VASH2: variants seen among roughly 807,000 people sequenced by gnomAD.
The protein encoded by VASH2 is vasohibin 2.
VASH2 carries 28 observed loss-of-function variants against 37.2 expected under a neutral mutation model. That is an observed-to-expected ratio of 0.75 (90% CI 0.56 to 1.03). The LOEUF (loss-of-function observed/expected upper bound fraction) is 1.03, where lower values mean the gene tolerates loss of function less well. Ranked by LOEUF, VASH2 falls within the 50% of genes least tolerant of loss-of-function variation. The pLI, the probability that VASH2 is intolerant of heterozygous loss-of-function variation, is 0.00. For missense variants in VASH2, 419 were observed against 459.1 expected, an observed-to-expected ratio of 0.91 and a Z score of 0.80; for synonymous variants, 188 against 174.7, an observed-to-expected ratio of 1.08 and a Z score of -0.60.
rs903016289 is a variant in VASH2 at position 212,989,730 on chromosome 1, A to C, written c.*1146A>C. On this transcript the variant is annotated 3_prime_UTR_variant, in exon 8 of 8. Coordinates refer to ENST00000517399, the MANE Select transcript of VASH2 (RefSeq NM_001301056.2). ...AAATATAAAGAATTAGAAAAGCAGC[A>C]CTTTTTTTTTAATGGAAAAGTCTTC... The C allele has an allele frequency of 2.6e-5, 4 of 151,880 alleles. No homozygotes were observed. Among genetic ancestry groups the C allele is most frequent in the Non-Finnish European group, 5.9e-5 (4 of 67,980 alleles). The allele number at this position is 151,880 out of a possible 1,614,324, so 9.4% of individuals were successfully genotyped here. A position where few individuals can be genotyped will look rare whatever the true frequency, so the allele number is the denominator to read the frequency against.
At chr1:212,960,314 G>A (rs1666635753) in intron 2 of VASH2, among the ~76,000 whole-genome samples, 1 of 151,954 alleles carries the variant, frequency 6.6e-6, no homozygotes, top group South Asian at 2.1e-4. Flanking sequence ...TTGAGGGGCA[G>A]ACTAGGAAGT....
Position 212,971,803 on chromosome 1 carries a change from C to T in VASH2, c.498-777C>T, listed in dbSNP as rs1667019292. Among the ~76,000 whole-genome samples, 2 of 152,084 alleles carry T rather than the reference C, an allele frequency of 1.3e-5. No homozygotes were observed. Among genetic ancestry groups the T allele is most frequent in the Non-Finnish European group, 1.5e-5 (1 of 68,020 alleles). Reference sequence around the variant, plus strand: ...GGATTAGCTCTGGCACCGAGAGCAGCCCTTTTAAGTGTAAGGCAGTGCACA... The same window carrying T: ...GGATTAGCTCTGGCACCGAGAGCAGTCCTTTTAAGTGTAAGGCAGTGCACA... On this transcript the variant is annotated intron_variant, in intron 5 of 7. Coordinates refer to ENST00000517399, the MANE Select transcript of VASH2 (RefSeq NM_001301056.2). This position sits in a 1 kb window ranked among gnomAD's most constrained non-coding sequence, Gnocchi z 4.0.
chr1:212,968,656 C>T (rs935854331), intron 5 of VASH2: 2 of 985,494 alleles, frequency 2.0e-6, no homozygotes, highest in African/African-American at 1.7e-5. Flanking sequence ...CTGGGGAACC[C>T]AGCAGGAAGC....
chr1:212,965,679 CT>C (rs1055211863), intron 3 of VASH2, 42 bp from the exon 4 acceptor site: 1 of 1,505,528 alleles, frequency 6.6e-7, no homozygotes, highest in Non-Finnish European at 9.0e-7. Context: ...TTACTGGGAC[CT>C]TTGGAGTTTT....
At chr1:212,963,773 T>C (rs1666753884) in intron 3 of VASH2, among the ~76,000 whole-genome samples, 1 of 152,148 alleles carries the variant, frequency 6.6e-6, no homozygotes, top group Admixed American at 6.6e-5. Context: ...ACACTTTTTT[T>C]TTTTATTTTA....
At chr1:212,983,414 G>A (rs1185578615) in intron 7 of VASH2, among the ~76,000 whole-genome samples, 1 of 152,154 alleles carries the variant, frequency 6.6e-6, no homozygotes, top group Non-Finnish European at 1.5e-5. Context: ...AGGGAGAGAG[G>A]AAAGAAAGAG....
chr1:212,953,089 C>A (rs1318008150), intron 2 of VASH2, among the ~76,000 whole-genome samples: 1 of 152,136 alleles, frequency 6.6e-6, no homozygotes, highest in Non-Finnish European at 1.5e-5. Context: ...GAGCCGAGAG[C>A]CCTTAAACTT....
intron 2 of VASH2, among the ~76,000 whole-genome samples, chr1:212,956,747 A>C (rs1572057722): frequency 6.6e-6 from 1 of 152,108 alleles, no homozygotes; most frequent in Non-Finnish European, 1.5e-5. Flanking sequence ...AGTGGGTTTA[A>C]TTTGCATTTC....
chr1:212,961,384 G>A, intron 3 of VASH2, 130 bp downstream of exon 3: 2 of 1,539,986 alleles, frequency 1.3e-6, no homozygotes, highest in Non-Finnish European at 1.7e-6. Flanking sequence ...GGCATGGAGG[G>A]ATGTCCCGGG....
intron 2 of VASH2, among the ~76,000 whole-genome samples, chr1:212,955,843 C>T (rs1246531226): frequency 6.6e-6 from 1 of 152,202 alleles, no homozygotes; most frequent in Non-Finnish European, 1.5e-5. Flanking sequence ...CCTTTCCTCC[C>T]CCATCCTGGA....
rs114071228 is a variant in VASH2 at position 212,969,760 on chromosome 1, T to C, written c.498-2820T>C. Among the ~76,000 whole-genome samples, 429 of 152,340 alleles carry C rather than the reference T, an allele frequency of 2.8e-3. 2 individuals are homozygous for C. Among genetic ancestry groups the C allele is most frequent in the African/African-American group, 1.0e-2 (414 of 41,580 alleles). ...CTTTCCACTCGGGGATAGTGAAGGA[T>C]ATGAATGGGTTCATCCGTCTGTGTC... On this transcript the variant is annotated intron_variant, in intron 5 of 7. Coordinates refer to ENST00000517399, the MANE Select transcript of VASH2 (RefSeq NM_001301056.2).
Position 212,966,328 on chromosome 1 carries a change from A to G in VASH2, c.480A>G (p.Glu160=). 6.4e-7 allele frequency: 1 copy of G among 1,551,744 alleles called. No homozygotes were observed. Among genetic ancestry groups the G allele is most frequent in the South Asian group, 1.2e-5 (1 of 84,058 alleles). The change falls in exon 5 of 8, where the codon GAA becomes GAG. Residue 160 remains glutamate, a synonymous_variant. Coordinates refer to ENST00000517399, the MANE Select transcript of VASH2 (RefSeq NM_001301056.2). ...TRESLPIKCL[E]AVILGIYLTN... ...AGTCCTTGCCTATCAAATGCCTTGAAGCTGTCATCCTGGGCATGTATCCTT... is the reference window on the plus strand; with the variant it reads ...AGTCCTTGCCTATCAAATGCCTTGAGGCTGTCATCCTGGGCATGTATCCTT...
intron 7 of VASH2, among the ~76,000 whole-genome samples, chr1:212,984,270 A>G (rs1383943096): frequency 2.0e-5 from 3 of 152,220 alleles, no homozygotes; most frequent in Non-Finnish European, 4.4e-5. Flanking sequence ...AGAAACACAC[A>G]AACTACAAAA....
chr1:212,984,731 C>T (rs929176471), intron 7 of VASH2, among the ~76,000 whole-genome samples: 1 of 152,210 alleles, frequency 6.6e-6, no homozygotes, highest in African/African-American at 2.4e-5. Flanking sequence ...AAGACAGTCT[C>T]TTGTTAAGCA....
chr1:212,958,411 A>T (rs1666561815), intron 2 of VASH2, among the ~76,000 whole-genome samples: 1 of 152,142 alleles, frequency 6.6e-6, no homozygotes, highest in Non-Finnish European at 1.5e-5. Flanking sequence ...TGAGGTAACC[A>T]TGCAGCTGTT....
At chr1:212,961,540 A>G (rs534496226) in intron 3 of VASH2, among the ~76,000 whole-genome samples, 13 of 150,854 alleles carry the variant, frequency 8.6e-5, no homozygotes, top group South Asian at 8.4e-4. Flanking sequence ...TCTTCCTTCT[A>G]TCTTCTCCTC....
intron 2 of VASH2, among the ~76,000 whole-genome samples, chr1:212,959,345 G>C (rs1034822154): frequency 6.6e-6 from 1 of 152,170 alleles, no homozygotes; most frequent in Admixed American, 6.5e-5. Flanking sequence ...GACTCTCTCA[G>C]ACAGCAATGT....
intron 4 of VASH2, 182 bp downstream of exon 4, chr1:212,965,960 T>C: frequency 3.2e-6 from 2 of 621,954 alleles, no homozygotes; most frequent in Non-Finnish European, 5.6e-6. Context: ...ACTCTGACAG[T>C]GGAGCTCAGT....
rs2075849136 is a variant in VASH2 at position 212,990,632 on chromosome 1, A to G, written c.*2048A>G. On this transcript the variant is annotated 3_prime_UTR_variant, in exon 8 of 8. Coordinates refer to ENST00000517399, the MANE Select transcript of VASH2 (RefSeq NM_001301056.2). ...TAGCTTGTTTCCCACAACAAGGAGGAAAAGAACAGGAATACAAACTCTGTA... is the reference window on the plus strand; with the variant it reads ...TAGCTTGTTTCCCACAACAAGGAGGGAAAGAACAGGAATACAAACTCTGTA... 1 of 152,226 alleles carries G rather than the reference A, an allele frequency of 6.6e-6. No individual in the cohort carries two copies. The highest frequency in any genetic ancestry group is 1.5e-5 in the Non-Finnish European group (1 of 68,044). 9.4% of individuals were successfully genotyped at this position (152,226 alleles called of 1,614,324 possible). A position where few individuals can be genotyped will look rare whatever the true frequency, so the allele number is the denominator to read the frequency against.
Sources: gnomAD v4.1 joint callset for allele counts (sites outside exome capture counted in the v4.1 genomes callset) on GRCh38, gnomAD v4.1.1 for gene constraint, Gnocchi (gnomAD v3.1) non-coding constraint, MANE v1.5 for transcripts, NCBI Gene and HGNC (gene_info 2026-07-23, HGNC 2026-07-21) for gene names.